CELF2: variants seen among roughly 807,000 people sequenced by gnomAD.
The protein encoded by CELF2 is CUGBP Elav-like family member 2.
CELF2 carries 8 observed loss-of-function variants against 62.6 expected under a neutral mutation model. The observed-to-expected ratio is 0.13, with a 90% CI of 0.07 to 0.23. The LOEUF (loss-of-function observed/expected upper bound fraction) is 0.23. Ranked by LOEUF, CELF2 falls within the 10% of genes least tolerant of loss-of-function variation. The pLI is 1.00. For missense variants in CELF2, 333 were observed against 671.0 expected, an observed-to-expected ratio of 0.50 and a Z score of 5.56; for synonymous variants, 258 against 250.0, an observed-to-expected ratio of 1.03 and a Z score of -0.30.
Position 11,329,150 on chromosome 10 carries a change from T to C in CELF2, c.*97T>C. 1 of 1,298,304 alleles carries C rather than the reference T, an allele frequency of 7.7e-7. No homozygotes were observed. Among genetic ancestry groups the C allele is most frequent in the East Asian group, 2.6e-5 (1 of 38,906 alleles). The allele number at this position is 1,298,304 out of a possible 1,614,324, so 80.4% of individuals were successfully genotyped here. A position where few individuals can be genotyped will look rare whatever the true frequency, so the allele number is the denominator to read the frequency against. On this transcript the variant is annotated 3_prime_UTR_variant, in exon 13 of 13. Coordinates refer to ENST00000633077, the MANE Select transcript of CELF2 (RefSeq NM_001326342.2). This position sits in a 1 kb window ranked among gnomAD's most constrained non-coding sequence, Gnocchi z 5.5. ...ACAGGGAAGGCAGAGGAGGACCACA[T>C]TGCCAACTTTTACCAAGAGAGACGG...
chr10:11,160,279 C>T (rs1322995316), intron 1 of CELF2, among the ~76,000 whole-genome samples: 1 of 152,190 alleles, frequency 6.6e-6, no homozygotes, highest in African/African-American at 2.4e-5. Context: ...GCCTCAGATC[C>T]TAGAGTTAAG....
intron 10 of CELF2, among the ~76,000 whole-genome samples, chr10:11,320,701 C>A (rs1191841549): frequency 6.6e-6 from 1 of 152,196 alleles, no homozygotes; most frequent in Non-Finnish European, 1.5e-5. Flanking sequence ...CCTCATCACA[C>A]GGCCTAAGGG....
chr10:10,961,979 G>A (rs1564271385), intron 2 of CELF2, among the ~76,000 whole-genome samples: 1 of 151,916 alleles, frequency 6.6e-6, no homozygotes, highest in Non-Finnish European at 1.5e-5. Context: ...TTGTAATGCG[G>A]TACTTTGGGA....
chr10:11,265,151 A>G (rs993777700), intron 5 of CELF2, among the ~76,000 whole-genome samples: 2 of 152,234 alleles, frequency 1.3e-5, no homozygotes, highest in African/African-American at 2.4e-5. Context: ...AGAAGAAAAT[A>G]TATTTTATGG....
At chr10:10,804,629 T>A (rs1290926964) in intron 1 of CELF2, among the ~76,000 whole-genome samples, 1 of 152,240 alleles carries the variant, frequency 6.6e-6, no homozygotes, top group Non-Finnish European at 1.5e-5. Flanking sequence ...CCCTTAAATG[T>A]TTGAATGAGC....
chr10:10,765,418 G>C, the CELF2 span, among the ~76,000 whole-genome samples: 1 of 152,206 alleles, frequency 6.6e-6, no homozygotes. Flanking sequence ...GGCCAGGCCA[G>C]AGCAAAGAGC....
chr10:10,762,470 A>G, the CELF2 span, among the ~76,000 whole-genome samples: 2 of 152,170 alleles, frequency 1.3e-5, no homozygotes, highest in South Asian at 2.1e-4. Flanking sequence ...GCAAGAGGGA[A>G]AAGAAAGAGT....
intron 2 of CELF2, among the ~76,000 whole-genome samples, chr10:10,956,913 G>A (rs371797179): frequency 3.4e-4 from 52 of 151,600 alleles, no homozygotes; most frequent in African/African-American, 1.1e-3. Flanking sequence ...CAGCCTGGGC[G>A]GTAGACCAAG....
chr10:11,009,486 A>G (rs1258984276), intron 1 of CELF2, among the ~76,000 whole-genome samples: 1 of 152,182 alleles, frequency 6.6e-6, no homozygotes, highest in African/African-American at 2.4e-5. Flanking sequence ...AGCAATTATC[A>G]GGTACAGGTG....
the CELF2 span, among the ~76,000 whole-genome samples, chr10:10,743,396 A>G: frequency 6.6e-6 from 1 of 152,250 alleles, no homozygotes; most frequent in Non-Finnish European, 1.5e-5. Flanking sequence ...AAAGTGTTTC[A>G]TACTGTGCAG....
intron 2 of CELF2, among the ~76,000 whole-genome samples, chr10:11,200,759 T>C (rs1380342726): frequency 1.3e-5 from 2 of 152,196 alleles, no homozygotes; most frequent in Non-Finnish European, 2.9e-5. Flanking sequence ...AGCTACTGGG[T>C]CAGCGTTTTG....
At chr10:10,693,730 T>A in the CELF2 span, among the ~76,000 whole-genome samples, 1 of 151,548 alleles carries the variant, frequency 6.6e-6, no homozygotes, top group African/African-American at 2.4e-5. Context: ...TCTTCCTGGT[T>A]TAGTCTTGGG....
the CELF2 span, among the ~76,000 whole-genome samples, chr10:10,666,611 C>G: frequency 2.6e-5 from 2 of 75,804 alleles, no homozygotes; most frequent in Non-Finnish European, 5.1e-5. Context: ...GCCTGTAATC[C>G]CAGCACTTTG....
chr10:11,234,740 A>G (rs1417436227), intron 3 of CELF2, among the ~76,000 whole-genome samples: 2 of 151,034 alleles, frequency 1.3e-5, no homozygotes, highest in East Asian at 1.9e-4. Flanking sequence ...GGGTGAGAGG[A>G]GGCAGGGAGA....
intron 1 of CELF2, among the ~76,000 whole-genome samples, chr10:10,890,436 A>T (rs1396906410): frequency 6.6e-6 from 1 of 152,188 alleles, no homozygotes; most frequent in African/African-American, 2.4e-5. Flanking sequence ...GTCAACTACA[A>T]AGCATAGTAT....
rs908751386 is a variant in CELF2 at position 11,247,391 on chromosome 10, C to T, written c.355-1762C>T. On this transcript the variant is annotated intron_variant, in intron 3 of 12. Transcript: ENST00000633077. This position sits in a 1 kb window ranked among gnomAD's most constrained non-coding sequence, Gnocchi z 5.4. Reference sequence around the variant, plus strand: ...GGGCTGCCCCGTGAGTTTCACATGCCGGCCCCCCTTCAGTGCTCGCACGTC... The same window carrying T: ...GGGCTGCCCCGTGAGTTTCACATGCTGGCCCCCCTTCAGTGCTCGCACGTC... 1.1e-4 allele frequency among the ~76,000 whole-genome samples: 16 copies of T among 152,208 alleles called. No individual in the cohort carries two copies. The highest frequency in any genetic ancestry group is 2.0e-4 in the Admixed American group (3 of 15,288).
intron 2 of CELF2, among the ~76,000 whole-genome samples, chr10:10,958,559 C>T (rs748688803): frequency 1.3e-5 from 2 of 152,130 alleles, no homozygotes; most frequent in African/African-American, 2.4e-5. Context: ...CAACTGTGTT[C>T]GAAAACCAAC....
the CELF2 span, among the ~76,000 whole-genome samples, chr10:10,564,153 A>T: frequency 6.6e-6 from 1 of 152,220 alleles, no homozygotes; most frequent in African/African-American, 2.4e-5. Flanking sequence ...CACTTCCAAC[A>T]CTTCCAAGCA....
At chr10:10,967,546 G>C (rs982929736) in intron 2 of CELF2, among the ~76,000 whole-genome samples, 2 of 152,188 alleles carry the variant, frequency 1.3e-5, no homozygotes, top group African/African-American at 2.4e-5. Context: ...GAAAAGGCGG[G>C]GAGGGTGGTG....
Sources: gnomAD v4.1 joint callset for allele counts (sites outside exome capture counted in the v4.1 genomes callset) on GRCh38, gnomAD v4.1.1 for gene constraint, Gnocchi (gnomAD v3.1) non-coding constraint, MANE v1.5 for transcripts, NCBI Gene and HGNC (gene_info 2026-07-23, HGNC 2026-07-21) for gene names.